The following ADAMDEC1 variants were observed in gnomAD, a reference collection of about 807,000 sequenced individuals.
ADAMDEC1 encodes the protein ADAM DEC1.
A neutral mutation model predicts 60.4 loss-of-function variants in ADAMDEC1; 62 were observed. The observed-to-expected ratio is 1.03, with a 90% CI of 0.84 to 1.27. The LOEUF (loss-of-function observed/expected upper bound fraction) is 1.27. Among genes scored for constraint, ADAMDEC1 ranks in the 50% most tolerant of loss-of-function variants. ADAMDEC1 has a pLI of 0.00. For missense variants in ADAMDEC1, 595 were observed against 565.0 expected (o/e 1.05, Z -0.54); for synonymous variants, 210 against 195.1 (o/e 1.08, Z -0.64).
At chr8:24,393,068 A>G (rs1817492542) in intron 2 of ADAMDEC1, among the ~76,000 whole-genome samples, 194 bp from the exon 3 acceptor site, 1 of 151,968 alleles carries the variant, frequency 6.6e-6, no homozygotes, top group Non-Finnish European at 1.5e-5. Context: ...TATAAGTGTT[A>G]TTATCACATA....
intron 3 of ADAMDEC1, among the ~76,000 whole-genome samples, chr8:24,393,841 T>A (rs962491688): frequency 6.6e-6 from 1 of 152,180 alleles, no homozygotes; most frequent in Non-Finnish European, 1.5e-5. Context: ...AAGATAGGGA[T>A]CTGCAGATGG....
At chr8:24,392,408 T>C (rs1358218970) in intron 2 of ADAMDEC1, 28 bp downstream of exon 2, 2 of 1,498,292 alleles carry the variant, frequency 1.3e-6, no homozygotes, top group Non-Finnish European at 1.8e-6. Context: ...CCGTGGTAGA[T>C]GTTACAATCA....
At chr8:24,385,221 G>A (rs891020342) in intron 1 of ADAMDEC1, among the ~76,000 whole-genome samples, 8 of 152,098 alleles carry the variant, frequency 5.3e-5, no homozygotes, top group Non-Finnish European at 1.5e-5. Flanking sequence ...GTAAACCTAC[G>A]TATTTCCATG....
intron 13 of ADAMDEC1, 90 bp downstream of exon 13, chr8:24,404,178 T>A: frequency 1.9e-6 from 2 of 1,071,850 alleles, no homozygotes; most frequent in Non-Finnish European, 2.8e-6. Flanking sequence ...CATAATACAC[T>A]AAAACACAAT....
intron 1 of ADAMDEC1, among the ~76,000 whole-genome samples, chr8:24,388,569 T>C (rs924649606): frequency 5.3e-5 from 8 of 151,726 alleles, no homozygotes; most frequent in South Asian, 4.1e-4. Flanking sequence ...CCTCCTTTAC[T>C]GGTTCCTCCT....
intron 10 of ADAMDEC1, 141 bp from the exon 11 acceptor site, chr8:24,400,029 T>G: frequency 1.6e-6 from 1 of 634,414 alleles, no homozygotes; most frequent in Non-Finnish European, 2.5e-6. Flanking sequence ...TTAAATGCTC[T>G]TTCAACGTTT....
Position 24,400,262 on chromosome 8 carries a change from G to A in ADAMDEC1, c.1104G>A (p.Lys368=), listed in dbSNP as rs1585814347. The change falls in exon 11 of 14, where the codon AAG becomes AAA. Residue 368 remains lysine (K), a synonymous_variant. Transcript: ENST00000256412. Reference sequence around the variant, plus strand: ...TGCCTGATGTTCCATTCAACACCAAGTGTCCCTCTGGCAGTTGTGTGATGA... The same window carrying A: ...TGCCTGATGTTCCATTCAACACCAAATGTCCCTCTGGCAGTTGTGTGATGA... The part of the protein sequence containing the change: ...LGMPDVPFNT[K]CPSGSCVMNQ... 5 of 1,611,714 alleles carry A rather than the reference G, an allele frequency of 3.1e-6. No individual in the cohort carries two copies. In the African/African-American group the frequency reaches 5.3e-5, roughly 17 times the overall value.
chr8:24,404,398 G>A (rs1192189256), intron 13 of ADAMDEC1, among the ~76,000 whole-genome samples: 1 of 152,136 alleles, frequency 6.6e-6, no homozygotes, highest in Non-Finnish European at 1.5e-5. Context: ...AAAGAAAAGT[G>A]TATTTAAAAA....
intron 5 of ADAMDEC1, among the ~76,000 whole-genome samples, chr8:24,396,868 T>C (rs974054827): frequency 6.6e-6 from 1 of 152,230 alleles, no homozygotes; most frequent in Admixed American, 6.5e-5. Flanking sequence ...CGTGTTACTC[T>C]GGTTGGCCTG....
At chr8:24,399,168 C>A (rs182143199) in intron 9 of ADAMDEC1, 128 bp downstream of exon 9, 6 of 1,114,720 alleles carry the variant, frequency 5.4e-6, no homozygotes, top group Admixed American at 2.7e-5. Context: ...TTACCACTAG[C>A]AATTCACCTG....
At chr8:24,399,248 A>C (rs941532925) in intron 9 of ADAMDEC1, 145 bp from the exon 10 acceptor site, 5 of 1,007,220 alleles carry the variant, frequency 5.0e-6, no homozygotes, top group Non-Finnish European at 7.5e-6. Context: ...CTGTGGTCAT[A>C]ACACTAAGGA....
chr8:24,400,397 A>G, intron 11 of ADAMDEC1, 97 bp downstream of exon 11: 2 of 1,286,854 alleles, frequency 1.6e-6, no homozygotes, highest in Non-Finnish European at 2.1e-6. Flanking sequence ...TAAATATTAG[A>G]TCTTGTGTTG....
chr8:24,399,296 G>T (rs1817699052), intron 9 of ADAMDEC1, 97 bp from the exon 10 acceptor site: 1 of 1,294,912 alleles, frequency 7.7e-7, no homozygotes, highest in African/African-American at 1.5e-5. Flanking sequence ...AATATAAAAA[G>T]GCTAGGGCAG....
intron 10 of ADAMDEC1, 139 bp downstream of exon 10, chr8:24,399,613 T>G: frequency 1.3e-6 from 1 of 763,994 alleles, no homozygotes; most frequent in Non-Finnish European, 2.3e-6. Context: ...GGTAGGTCAT[T>G]GCACTGAAGA....
chr8:24,397,022 C>T (rs1817631193), intron 5 of ADAMDEC1, among the ~76,000 whole-genome samples: 2 of 152,146 alleles, frequency 1.3e-5, no homozygotes, highest in Non-Finnish European at 2.9e-5. Flanking sequence ...GGTGCAAATT[C>T]CAAATTCTTT....
chr8:24,388,357 T>C lies in ADAMDEC1; in HGVS notation c.88+3765T>C, dbSNP rs139426834. ...TAGTTAGTCTCATCCCATTCTCTTC[T>C]ATCCTACTTCTACAGAGTTTTCATC... On this transcript the variant is annotated intron_variant, in intron 1 of 13. Transcript: ENST00000256412. Among the ~76,000 whole-genome samples, 404 of 152,272 alleles carry C rather than the reference T, an allele frequency of 2.7e-3. 1 individual carries two copies. Among genetic ancestry groups the C allele is most frequent in the African/African-American group, 9.1e-3 (380 of 41,554 alleles).
At position 24,397,664 on chromosome 8, in the gene ADAMDEC1, TC is replaced by T. The variant is rs1415336430; in HGVS notation, c.628-18del. On this transcript the variant is annotated intron_variant, in intron 6 of 13. Transcript: ENST00000256412. Reference sequence around the variant, plus strand: ...GGATAAAGATAATGATTAACAATGTTCTTTTATTCTTTGTAAAGAAAGAAGA... The same window carrying T: ...GGATAAAGATAATGATTAACAATGTTTTTTATTCTTTGTAAAGAAAGAAGA... The T allele has an allele frequency of 1.2e-6, 2 of 1,605,012 alleles. No individual in the cohort carries two copies. Among genetic ancestry groups the T allele is most frequent in the Non-Finnish European group, 1.7e-6 (2 of 1,173,330 alleles).
chr8:24,390,601 T>A (rs551715186), intron 1 of ADAMDEC1, among the ~76,000 whole-genome samples: 84 of 152,170 alleles, frequency 5.5e-4, no homozygotes, highest in Non-Finnish European at 6.3e-4. Flanking sequence ...GCAACTGTAA[T>A]CCCAGCTACT....
intron 3 of ADAMDEC1, 51 bp from the exon 4 acceptor site, chr8:24,394,018 C>T (rs1351141611): frequency 7.9e-7 from 1 of 1,263,752 alleles, no homozygotes; most frequent in African/African-American, 1.5e-5. Flanking sequence ...TCAGGAAGTT[C>T]TGCCTTTCTT....
Sources: gnomAD v4.1 joint callset for allele counts (sites outside exome capture counted in the v4.1 genomes callset) on GRCh38, gnomAD v4.1.1 for gene constraint, MANE v1.5 for transcripts, NCBI Gene and HGNC (gene_info 2026-07-23, HGNC 2026-07-21) for gene names.